The following DSTYK variants were observed in gnomAD, a reference collection of about 807,000 sequenced individuals.
DSTYK encodes dual serine/threonine and tyrosine protein kinase.
In DSTYK, 34 loss-of-function variants were observed where a neutral mutation model predicts 98.7. The observed-to-expected ratio is 0.34, with a 90% CI of 0.26 to 0.46. DSTYK has a LOEUF of 0.46. Among genes scored for constraint, DSTYK ranks in the 20% least tolerant of loss-of-function variants. The probability of loss-of-function intolerance (pLI) is 1.00; values close to 1 mark genes in which losing one functional copy is unlikely to be tolerated. For synonymous variants in DSTYK, 462 were observed against 457.3 expected, an observed-to-expected ratio of 1.01 and a Z score of -0.13; for missense variants, 962 against 1,181.7, an observed-to-expected ratio of 0.81 and a Z score of 2.73.
At chr1:205,163,263 A>T (rs1574759361) in intron 4 of DSTYK, among the ~76,000 whole-genome samples, 1 of 151,352 alleles carries the variant, frequency 6.6e-6, no homozygotes, top group East Asian at 1.9e-4. Context: ...CTTGTCCCCC[A>T]GGCTGAAGTG....
chr1:205,179,503 C>T (rs966546216), intron 2 of DSTYK, among the ~76,000 whole-genome samples: 2 of 151,776 alleles, frequency 1.3e-5, no homozygotes, highest in African/African-American at 4.8e-5. Context: ...CACCTGTAGT[C>T]CCAGCTATTT....
chr1:205,211,615 A>C lies in DSTYK; in HGVS notation c.-80T>G. ...CCTCCTCCCCGCCCCCCAGTGCCGA[A>C]GGGAGGAGGAATCCGCCTCCTGACG... On this transcript the variant is annotated 5_prime_UTR_variant, in exon 1 of 13. Transcript: ENST00000367162. The C allele has an allele frequency of 7.1e-7, 1 of 1,398,852 alleles. No individual in the cohort carries two copies. The highest frequency in any genetic ancestry group is 9.2e-7 in the Non-Finnish European group (1 of 1,083,094). The allele number at this position is 1,398,852 out of a possible 1,614,324, so 86.7% of individuals were successfully genotyped here. A position where few individuals can be genotyped will look rare whatever the true frequency, so the allele number is the denominator to read the frequency against.
At chr1:205,207,193 C>T (rs1283926733) in intron 1 of DSTYK, among the ~76,000 whole-genome samples, 2 of 151,796 alleles carry the variant, frequency 1.3e-5, no homozygotes, top group Admixed American at 6.6e-5. Flanking sequence ...ATTCTCCTGC[C>T]TCAGCCTCCC....
intron 2 of DSTYK, among the ~76,000 whole-genome samples, chr1:205,183,509 C>T (rs1658480820): frequency 2.0e-5 from 3 of 152,134 alleles, no homozygotes; most frequent in Non-Finnish European, 2.9e-5. Context: ...AGAAGAATGA[C>T]CATTGTATAA....
intron 2 of DSTYK, among the ~76,000 whole-genome samples, chr1:205,184,496 C>T (rs1335571916): frequency 6.6e-6 from 1 of 151,836 alleles, no homozygotes; most frequent in Non-Finnish European, 1.5e-5. Context: ...CGCTTGAACC[C>T]GGGAGGCAGA....
Position 205,147,517 on chromosome 1 carries a change from G to A in DSTYK, c.*41C>T. Reference sequence around the variant, plus strand: ...CTCCCCATGGCCAAAAGGTGAGGGGGAAGGAAATAACTAGAGAGTGAAAGA... The same window carrying A: ...CTCCCCATGGCCAAAAGGTGAGGGGAAAGGAAATAACTAGAGAGTGAAAGA... On this transcript the variant is annotated 3_prime_UTR_variant, in exon 13 of 13. Transcript: ENST00000367162. 1 of 1,580,924 alleles carries A rather than the reference G, an allele frequency of 6.3e-7. No homozygotes were observed. Among genetic ancestry groups the A allele is most frequent in the Non-Finnish European group, 8.7e-7 (1 of 1,155,252 alleles).
chr1:205,147,510 T>C lies in DSTYK; in HGVS notation c.*48A>G. 6.4e-7 allele frequency: 1 copy of C among 1,569,464 alleles called. No individual in the cohort carries two copies. The highest frequency in any genetic ancestry group is 8.7e-7 in the Non-Finnish European group (1 of 1,147,530). ...TCAAATTCTCCCCATGGCCAAAAGG[T>C]GAGGGGGAAGGAAATAACTAGAGAG... is the stretch of plus-strand genomic sequence containing the variant. On this transcript the variant is annotated 3_prime_UTR_variant, in exon 13 of 13. Coordinates refer to ENST00000367162, the MANE Select transcript of DSTYK (RefSeq NM_015375.3).
chr1:205,199,956 C>T (rs555940785), intron 1 of DSTYK, among the ~76,000 whole-genome samples: 30 of 152,188 alleles, frequency 2.0e-4, no homozygotes, highest in Non-Finnish European at 3.5e-4. Flanking sequence ...ACCACAAAAA[C>T]GAGATGATAT....
At position 205,169,712 on chromosome 1, in the gene DSTYK, C is replaced by T. The variant is rs1486463268; in HGVS notation, c.775G>A (p.Glu259Lys). The change falls in exon 3 of 13, where the codon GAG (glutamate) becomes AAG (lysine). Residue 259 changes from glutamate to lysine, a missense_variant. Glu to Lys is a moderately conservative substitution (Grantham distance 56). This residue lies in a region of DSTYK where 660 missense variants were observed against 855.0 expected (regional missense o/e 0.77). Transcript: ENST00000367162. This position sits in a 1 kb window ranked among gnomAD's most constrained non-coding sequence, Gnocchi z 4.0. ...TYALHKDELS[E>K]RDEQELQEIR... ...TCCTGAAGCTCTTGCTCATCCCTCT[C>T]AGAGAGTTCATCTTTGTGGAGTGCA... 1 of 1,614,238 alleles carries T rather than the reference C, an allele frequency of 6.2e-7. No individual in the cohort carries two copies. Among genetic ancestry groups the T allele is most frequent in the Admixed American group, 1.7e-5 (1 of 60,028 alleles).
At position 205,205,463 on chromosome 1, in the gene DSTYK, T is replaced by TG. The variant is rs543547841; in HGVS notation, c.265+5807dup. The stretch of plus-strand genomic sequence containing the variant: ...TTATTTTATTATTATTATTTTTTTT[T>TG]GAGACACAGTCTCACTCTATCACCC... On this transcript the variant is annotated intron_variant, in intron 1 of 12. Coordinates refer to ENST00000367162, the MANE Select transcript of DSTYK (RefSeq NM_015375.3). Among the ~76,000 whole-genome samples the TG allele has an allele frequency of 9.7e-4, 148 of 152,250 alleles. 2 individuals are homozygous for TG. The highest frequency in any genetic ancestry group is 3.4e-3 in the African/African-American group (140 of 41,544).
intron 1 of DSTYK, among the ~76,000 whole-genome samples, chr1:205,191,082 T>A (rs1372825268): frequency 6.6e-6 from 1 of 152,088 alleles, no homozygotes; most frequent in African/African-American, 2.4e-5. Flanking sequence ...CCTCCATCTT[T>A]CCTACAAAAA....
chr1:205,199,739 C>A (rs948185048), intron 1 of DSTYK, among the ~76,000 whole-genome samples: 10 of 152,188 alleles, frequency 6.6e-5, no homozygotes, highest in African/African-American at 2.2e-4. Context: ...AGATTCCCTG[C>A]ACCATGTAGG....
At chr1:205,210,146 C>A (rs1307817704) in intron 1 of DSTYK, among the ~76,000 whole-genome samples, 1 of 151,980 alleles carries the variant, frequency 6.6e-6, no homozygotes, top group Non-Finnish European at 1.5e-5. Context: ...AAGTGATCCG[C>A]CCCGCCTCTG....
At chr1:205,154,163 T>C (rs927142921) in intron 10 of DSTYK, among the ~76,000 whole-genome samples, 4 of 151,960 alleles carry the variant, frequency 2.6e-5, no homozygotes, top group African/African-American at 9.7e-5. Flanking sequence ...TGGGTCTTCA[T>C]TGTACCACTC....
rs1309851813 is a variant in DSTYK, at chr1:205,142,931, C to T, written c.*4627G>A. 6.6e-6 allele frequency: 1 copy of T among 152,086 alleles called. No homozygotes were observed. The highest frequency in any genetic ancestry group is 1.5e-5 in the Non-Finnish European group (1 of 68,014). The allele number at this position is 152,086 out of a possible 1,614,324, so 9.4% of individuals were successfully genotyped here. Reference sequence around the variant, plus strand: ...GGTGGCCTCCCCAGTGCTAGATGTCCTGATGCACCTCTGAGATCACCTCAA... The same window carrying T: ...GGTGGCCTCCCCAGTGCTAGATGTCTTGATGCACCTCTGAGATCACCTCAA... On this transcript the variant is annotated 3_prime_UTR_variant, in exon 13 of 13. Coordinates refer to ENST00000367162, the MANE Select transcript of DSTYK (RefSeq NM_015375.3).
intron 1 of DSTYK, chr1:205,202,264 A>C (rs1659066142): frequency 1.6e-6 from 1 of 621,492 alleles, no homozygotes; most frequent in Non-Finnish European, 3.1e-6. Flanking sequence ...CTTCGTGTTC[A>C]CTTTAAGAAT....
At chr1:205,155,123 T>G (rs905350929) in intron 10 of DSTYK, among the ~76,000 whole-genome samples, 2 of 151,990 alleles carry the variant, frequency 1.3e-5, no homozygotes, top group African/African-American at 4.8e-5. Flanking sequence ...TAGCTGGGAC[T>G]ACAGGTGTGT....
chr1:205,182,817 A>AC (rs1230356760), intron 2 of DSTYK, among the ~76,000 whole-genome samples: 1 of 152,040 alleles, frequency 6.6e-6, no homozygotes, highest in African/African-American at 2.4e-5. Context: ...AAAAAAAAAA[A>AC]AAAAGTTCCC....
intron 1 of DSTYK, chr1:205,202,831 A>G: frequency 2.1e-6 from 1 of 484,832 alleles, no homozygotes; most frequent in South Asian, 2.4e-5. Context: ...GTATGAGCAG[A>G]GCCTATATTA....
Sources: gnomAD v4.1 joint callset for allele counts (sites outside exome capture counted in the v4.1 genomes callset) on GRCh38, gnomAD v4.1.1 for gene constraint, gnomAD v4.1.1 regional missense constraint, Gnocchi (gnomAD v3.1) non-coding constraint, MANE v1.5 for transcripts, NCBI Gene and HGNC (gene_info 2026-07-23, HGNC 2026-07-21) for gene names.